Variants in TMEM232 observed in about 807,000 individuals in gnomAD.
TMEM232 encodes the protein transmembrane protein 232.
TMEM232 carries 80 observed loss-of-function variants against 78.8 expected under a neutral mutation model. The ratio of observed to expected loss-of-function variants is 1.01; its 90% CI spans 0.85 to 1.22. The LOEUF (loss-of-function observed/expected upper bound fraction) is 1.22. Among genes scored for constraint, TMEM232 ranks in the 50% most tolerant of loss-of-function variants. TMEM232 has a pLI of 0.00. For synonymous variants in TMEM232, 297 were observed against 254.3 expected (o/e 1.17, Z -1.60); for missense variants, 881 against 742.2 (o/e 1.19, Z -2.17).
At chr5:110,499,646 C>CATATATATATAT (rs1233546083) in intron 12 of TMEM232, among the ~76,000 whole-genome samples, 1 of 145,080 alleles carries the variant, frequency 6.9e-6, no homozygotes, top group African/African-American at 2.7e-5. Context: ...CACACACACA[C>CATATATATATAT]ATATATATAT....
intron 2 of TMEM232, among the ~76,000 whole-genome samples, chr5:110,644,168 G>T (rs1787128386): frequency 6.6e-6 from 1 of 151,966 alleles, no homozygotes; most frequent in Middle Eastern, 3.4e-3. Flanking sequence ...TTGATTTCCT[G>T]ATTTTCATTC....
chr5:110,685,908 A>C (rs993328312), intron 1 of TMEM232, among the ~76,000 whole-genome samples: 1 of 152,146 alleles, frequency 6.6e-6, no homozygotes, highest in South Asian at 2.1e-4. Flanking sequence ...TGTACATACT[A>C]TGTGATTTCA....
intron 2 of TMEM232, among the ~76,000 whole-genome samples, chr5:110,399,685 T>C (rs1273763406): frequency 6.6e-6 from 1 of 152,058 alleles, no homozygotes; most frequent in East Asian, 1.9e-4. Flanking sequence ...GGAAGATAGG[T>C]TCTGAAGCTT....
intron 12 of TMEM232, among the ~76,000 whole-genome samples, chr5:110,501,160 A>G (rs1561577800): frequency 6.6e-6 from 1 of 152,188 alleles, no homozygotes; most frequent in Admixed American, 6.5e-5. Flanking sequence ...TGGTCCAAAC[A>G]CTTTTTACTT....
chr5:110,596,047 A>AG (rs1780118934), intron 10 of TMEM232, among the ~76,000 whole-genome samples: 1 of 152,212 alleles, frequency 6.6e-6, no homozygotes, highest in Non-Finnish European at 1.5e-5. Flanking sequence ...TTACCTACGA[A>AG]GGGAAGCCCA....
chr5:110,448,046 C>T lies in TMEM232; in HGVS notation c.1704-23130G>A, dbSNP rs1464245818. 4.6e-5 allele frequency among the ~76,000 whole-genome samples: 7 copies of T among 151,810 alleles called. No individual in the cohort carries two copies. In the East Asian group the frequency reaches 9.6e-4, roughly 21 times the overall value. On this transcript the variant is annotated intron_variant, in intron 12 of 13. Transcript: ENST00000455884. ...TGTATATTGAAATGACTTACTATAC[C>T]AGTTCAAAAAACTGAATACTAAAGA...
intron 1 of TMEM232, among the ~76,000 whole-genome samples, chr5:110,695,968 C>T (rs933992917): frequency 1.3e-5 from 2 of 152,164 alleles, no homozygotes; most frequent in African/African-American, 2.4e-5. Context: ...CCAGCATCAT[C>T]CTGATACCAA....
intron 10 of TMEM232, among the ~76,000 whole-genome samples, chr5:110,579,818 T>A (rs187284144): frequency 1.0e-3 from 155 of 151,624 alleles, no homozygotes; most frequent in African/African-American, 3.6e-3. Context: ...TCCTTATATA[T>A]CAATAATTAC....
At chr5:110,605,478 A>C (rs1204883383) in intron 9 of TMEM232, 120 bp from the exon 10 acceptor site, 2 of 1,194,782 alleles carry the variant, frequency 1.7e-6, no homozygotes, top group Non-Finnish European at 1.1e-6. Context: ...AAATGTGTTC[A>C]TTAAAAAATG....
chr5:110,637,940 TAAGTAG>T (rs1786102813), intron 5 of TMEM232, among the ~76,000 whole-genome samples: 1 of 151,998 alleles, frequency 6.6e-6, no homozygotes, highest in Non-Finnish European at 1.5e-5. Flanking sequence ...GAGAAACAGT[TAAGTAG>T]AAGTATATTG....
intron 3 of TMEM232, among the ~76,000 whole-genome samples, chr5:110,396,157 C>G (rs1755379775): frequency 6.6e-6 from 1 of 152,072 alleles, no homozygotes; most frequent in Admixed American, 6.6e-5. Flanking sequence ...TATATGGTGG[C>G]AGGAGAGAGA....
intron 2 of TMEM232, among the ~76,000 whole-genome samples, chr5:110,406,855 T>G (rs575485829): frequency 3.4e-4 from 52 of 152,224 alleles, no homozygotes; most frequent in African/African-American, 1.2e-3. Context: ...TGAGGTTAGA[T>G]TGTAGATTTT....
At position 110,409,392 on chromosome 5, in the gene TMEM232, G is replaced by A. The variant is rs113397622; in HGVS notation, n.309-11538C>T. Among the ~76,000 whole-genome samples, 566 of 152,268 alleles carry A rather than the reference G, an allele frequency of 3.7e-3. 3 individuals are homozygous for A. The highest frequency in any genetic ancestry group is 0.013 in the African/African-American group (526 of 41,548). ...TGTGATCAAGTTCATGCACATACAG[G>A]CCCTGACAGTCATGTCACAACTGTC... On this transcript the variant is annotated intron_variant and non_coding_transcript_variant, in intron 2 of 8. Transcript: ENST00000507188.
intron 1 of TMEM232, among the ~76,000 whole-genome samples, chr5:110,710,044 C>T (rs150231005): frequency 0.012 from 1,844 of 151,620 alleles, 45 homozygotes; most frequent in African/African-American, 0.042. Flanking sequence ...AAAAAAAAGG[C>T]AGATGACTCA....
chr5:110,472,321 G>A (rs1361784564), intron 12 of TMEM232, among the ~76,000 whole-genome samples: 1 of 151,320 alleles, frequency 6.6e-6, no homozygotes, highest in Non-Finnish European at 1.5e-5. Context: ...AAGATACCTT[G>A]GAATAAATTT....
At chr5:110,438,091 C>G (rs574676517) in intron 12 of TMEM232, among the ~76,000 whole-genome samples, 20 of 152,110 alleles carry the variant, frequency 1.3e-4, no homozygotes, top group Non-Finnish European at 2.4e-4. Context: ...GGTTTCCGGC[C>G]TCACAGGCTG....
At chr5:110,565,366 A>G (rs1776213715) in intron 11 of TMEM232, among the ~76,000 whole-genome samples, 1 of 151,974 alleles carries the variant, frequency 6.6e-6, no homozygotes. Context: ...AAACTGAAGT[A>G]AAAATATGCC....
At chr5:110,630,982 C>T (rs1454780647) in intron 5 of TMEM232, among the ~76,000 whole-genome samples, 3 of 152,042 alleles carry the variant, frequency 2.0e-5, no homozygotes, top group African/African-American at 7.2e-5. Flanking sequence ...TCACTCACAC[C>T]CCTGAGACCT....
intron 4 of TMEM232, among the ~76,000 whole-genome samples, chr5:110,389,008 C>A (rs1755082673): frequency 6.6e-6 from 1 of 152,112 alleles, no homozygotes; most frequent in Non-Finnish European, 1.5e-5. Context: ...TGCCTGTAAT[C>A]CCAGCACTTT....
Sources: gnomAD v4.1 joint callset for allele counts (sites outside exome capture counted in the v4.1 genomes callset) on GRCh38, gnomAD v4.1.1 for gene constraint, MANE v1.5 for transcripts, NCBI Gene and HGNC (gene_info 2026-07-23, HGNC 2026-07-21) for gene names.